Variants in PXN observed in about 807,000 individuals in gnomAD.
The protein encoded by PXN is paxillin.
Under a neutral mutation model 103.6 loss-of-function variants are expected in PXN, and 61 were observed. The ratio of observed to expected loss-of-function variants is 0.59; its 90% CI spans 0.48 to 0.73. The LOEUF (loss-of-function observed/expected upper bound fraction) is 0.73. Ranked by LOEUF, PXN falls within the 30% of genes least tolerant of loss-of-function variation. The pLI is 0.00. For missense variants in PXN, 1,274 were observed against 1,460.3 expected, an observed-to-expected ratio of 0.87 and a Z score of 2.08; for synonymous variants, 562 against 607.8, an observed-to-expected ratio of 0.92 and a Z score of 1.11.
Position 120,214,308 on chromosome 12 carries a change from A to C in PXN, c.2749-91T>G. On this transcript the variant is annotated intron_variant, in intron 12 of 14. Coordinates refer to ENST00000637617, the MANE Select transcript of PXN (RefSeq NM_001385981.1). This position sits in a 1 kb window ranked among gnomAD's most constrained non-coding sequence, Gnocchi z 5.0. ...AAGGCCGTCCTTCCACCCGCAGCTC[A>C]TAGCCATAGACAGAGCAAAACACTC... is the stretch of plus-strand genomic sequence containing the variant. 110 of 1,137,580 alleles carry C rather than the reference A, an allele frequency of 9.7e-5. No individual in the cohort carries two copies. The highest frequency in any genetic ancestry group is 1.4e-4 in the Non-Finnish European group (106 of 777,020). 70.5% of individuals were successfully genotyped at this position (1,137,580 alleles called of 1,614,324 possible). A position where few individuals can be genotyped will look rare whatever the true frequency, so the allele number is the denominator to read the frequency against.
In PXN at chr12:120,257,784, C is replaced by T. The variant is rs536336208; in HGVS notation, c.13+7833G>A. On this transcript the variant is annotated intron_variant, in intron 1 of 14. Coordinates refer to ENST00000637617, the MANE Select transcript of PXN (RefSeq NM_001385981.1). ...GGGGACACTCAGCCATCACTGCCCACAGGTTAATGGTGTTCCACTGGCCAC... is the reference window on the plus strand; with the variant it reads ...GGGGACACTCAGCCATCACTGCCCATAGGTTAATGGTGTTCCACTGGCCAC... Among the ~76,000 whole-genome samples, 8 of 152,306 alleles carry T rather than the reference C, an allele frequency of 5.3e-5. No individual in the cohort carries two copies. In the South Asian group the frequency reaches 1.7e-3, roughly 32 times the overall value.
intron 1 of PXN, among the ~76,000 whole-genome samples, chr12:120,241,591 G>C (rs1337690191): frequency 6.6e-6 from 1 of 152,232 alleles, no homozygotes; most frequent in Non-Finnish European, 1.5e-5. Context: ...GCACTGACTA[G>C]TGGGAGACTG....
In PXN at chr12:120,220,121, GGAGA is replaced by G. The variant is rs376471619; in HGVS notation, c.832-34_832-31del. On this transcript the variant is annotated intron_variant, in intron 6 of 14. Transcript: ENST00000637617. This position sits in a 1 kb window ranked among gnomAD's most constrained non-coding sequence, Gnocchi z 6.1. ...AGAAGAGAGAAATGCAGAGGGGAGA[GGAGA>G]GAGAGAGATGAGGGGAGTGAGGACG... is the stretch of plus-strand genomic sequence containing the variant. 1.2e-5 allele frequency: 11 copies of G among 891,274 alleles called. No individual in the cohort carries two copies. The Admixed American group carries it at 2.0e-4, about 16-fold the overall frequency. The allele number at this position is 891,274 out of a possible 1,614,324, so 55.2% of individuals were successfully genotyped here.
chr12:120,239,236 C>G (rs568424579), intron 1 of PXN, among the ~76,000 whole-genome samples: 1 of 152,082 alleles, frequency 6.6e-6, no homozygotes, highest in East Asian at 1.9e-4. Flanking sequence ...CACCTGAGGT[C>G]AAGAGTTCCA....
chr12:120,254,747 C>T (rs1353493988), intron 1 of PXN, among the ~76,000 whole-genome samples: 5 of 152,122 alleles, frequency 3.3e-5, no homozygotes, highest in Non-Finnish European at 5.9e-5. Flanking sequence ...GACGGGGTTT[C>T]ACCATGTTGG....
intron 1 of PXN, among the ~76,000 whole-genome samples, chr12:120,258,275 C>A (rs1893334847): frequency 6.6e-6 from 1 of 152,138 alleles, no homozygotes; most frequent in African/African-American, 2.4e-5. Flanking sequence ...CGGCATCTCA[C>A]ATGCTTCAAC....
chr12:120,231,089 GGAGCCAGGATGCCCT>G (rs1365483903), intron 1 of PXN, among the ~76,000 whole-genome samples: 1 of 152,234 alleles, frequency 6.6e-6, no homozygotes, highest in African/African-American at 2.4e-5. Flanking sequence ...GCGGAGGAGG[GGAGCCAGGATGCCCT>G]GATCCCAGGC....
chr12:120,238,747 T>C (rs117382277), intron 1 of PXN, among the ~76,000 whole-genome samples: 1,953 of 152,344 alleles, frequency 0.013, 32 homozygotes, highest in Non-Finnish European at 0.02. Context: ...GTAGACTATT[T>C]ACATCACTAG....
Position 120,212,650 on chromosome 12 carries a change from G to C in PXN, c.2980-70C>G, listed in dbSNP as rs542519174. 4,079 of 1,549,774 alleles carry C rather than the reference G, an allele frequency of 2.6e-3. 19 individuals are homozygous for C. Among genetic ancestry groups the C allele is most frequent in the Non-Finnish European group, 2.5e-3 (2,917 of 1,145,286 alleles). On this transcript the variant is annotated intron_variant, in intron 14 of 14. Transcript: ENST00000637617. This position sits in a 1 kb window ranked among gnomAD's most constrained non-coding sequence, Gnocchi z 7.2. ...GAGCTGCACCCTGTGTGATGGGGCCGAGGTGGGCATAGTCGGCACGCTCGG... is the reference window on the plus strand; with the variant it reads ...GAGCTGCACCCTGTGTGATGGGGCCCAGGTGGGCATAGTCGGCACGCTCGG...
At position 120,221,050 on chromosome 12, in the gene PXN, C is replaced by G. The variant is rs1884993059; in HGVS notation, c.831+573G>C. On this transcript the variant is annotated intron_variant, in intron 6 of 14. Transcript: ENST00000637617. This position sits in a 1 kb window ranked among gnomAD's most constrained non-coding sequence, Gnocchi z 6.6. ...GGGCAGGTACCTCGTGCAAGCCTGG[C>G]CCCATGGTTTCCCACAGACACGCTC... Among the ~76,000 whole-genome samples, 1 of 152,166 alleles carries G rather than the reference C, an allele frequency of 6.6e-6. No homozygotes were observed. The highest frequency in any genetic ancestry group is 1.5e-5 in the Non-Finnish European group (1 of 68,028).
chr12:120,242,327 C>T (rs948790100), intron 1 of PXN, among the ~76,000 whole-genome samples: 14 of 152,230 alleles, frequency 9.2e-5, no homozygotes, highest in Admixed American at 1.3e-4. Flanking sequence ...TTCCTCTGCC[C>T]GCACCCATCT....
chr12:120,226,534 T>G lies in PXN; in HGVS notation c.14-2157A>C, dbSNP rs964381347. On this transcript the variant is annotated intron_variant, in intron 1 of 14. Coordinates refer to ENST00000637617, the MANE Select transcript of PXN (RefSeq NM_001385981.1). ...ATGGTCAGGCTTCCTTGTCAAACAT[T>G]TTGAATCAGGGACTCCACCAAACAC... 3.3e-6 allele frequency: 4 copies of G among 1,230,578 alleles called. No homozygotes were observed. The Admixed American group carries it at 1.1e-4, about 34-fold the overall frequency. The allele number at this position is 1,230,578 out of a possible 1,614,324, so 76.2% of individuals were successfully genotyped here. A position where few individuals can be genotyped will look rare whatever the true frequency, so the allele number is the denominator to read the frequency against.
At chr12:120,226,071 G>C in intron 1 of PXN, 2 of 1,099,456 alleles carry the variant, frequency 1.8e-6, no homozygotes, top group African/African-American at 3.3e-5. Context: ...ACCGGAACTA[G>C]AGGGAGTTGG....
intron 1 of PXN, among the ~76,000 whole-genome samples, chr12:120,231,876 G>T (rs1477841788): frequency 6.6e-6 from 1 of 152,214 alleles, no homozygotes; most frequent in East Asian, 1.9e-4. Flanking sequence ...GCTCCTGGCT[G>T]CAGCCACTTC....
In PXN at chr12:120,215,492, C is replaced by T. The variant is rs1276675704; in HGVS notation, c.2403+68G>A. 6.6e-7 allele frequency: 1 copy of T among 1,510,726 alleles called. No individual in the cohort carries two copies. Among genetic ancestry groups the T allele is most frequent in the Admixed American group, 2.2e-5 (1 of 46,194 alleles). 93.6% of individuals were successfully genotyped at this position (1,510,726 alleles called of 1,614,324 possible). On this transcript the variant is annotated intron_variant, in intron 10 of 14. Coordinates refer to ENST00000637617, the MANE Select transcript of PXN (RefSeq NM_001385981.1). This position sits in a 1 kb window ranked among gnomAD's most constrained non-coding sequence, Gnocchi z 4.9. ...CCAGGGTCGGAAAGGCTGAGGGCAC[C>T]CAGCAGGCATGGCCAAGCCCAGGGA...
At position 120,224,691 on chromosome 12, in the gene PXN, G is replaced by A. The variant is rs919857610; in HGVS notation, c.14-314C>T. 5 of 605,434 alleles carry A rather than the reference G, an allele frequency of 8.3e-6. No individual in the cohort carries two copies. The highest frequency in any genetic ancestry group is 1.5e-5 in the Non-Finnish European group (5 of 323,440). 37.5% of individuals were successfully genotyped at this position (605,434 alleles called of 1,614,324 possible). On this transcript the variant is annotated intron_variant, in intron 1 of 14. Transcript: ENST00000637617. This position sits in a 1 kb window ranked among gnomAD's most constrained non-coding sequence, Gnocchi z 5.0. ...CTGCGTTCCCTCCTGACAGGGCCGC[G>A]CAGCCGCGAGTGAAGTGCCTGTCTG... is the stretch of plus-strand genomic sequence containing the variant.
At position 120,240,307 on chromosome 12, in the gene PXN, C is replaced by G. The variant is rs566916064; in HGVS notation, c.14-15930G>C. Among the ~76,000 whole-genome samples the G allele has an allele frequency of 1.3e-4, 20 of 152,236 alleles. No individual in the cohort carries two copies. In the South Asian group the frequency reaches 4.1e-3, roughly 32 times the overall value. On this transcript the variant is annotated intron_variant, in intron 1 of 14. Transcript: ENST00000637617. ...ATGAGGAGCTGTCCCACCCACAAAGCTGACATCCCTGATTGCCCCACCAGA... is the reference window on the plus strand; with the variant it reads ...ATGAGGAGCTGTCCCACCCACAAAGGTGACATCCCTGATTGCCCCACCAGA...
At chr12:120,244,663 A>T (rs1048541529) in intron 1 of PXN, among the ~76,000 whole-genome samples, 5 of 150,674 alleles carry the variant, frequency 3.3e-5, no homozygotes, top group Non-Finnish European at 7.4e-5. Context: ...AAAAAAAAAA[A>T]AATACAAAAC....
rs1022666940 is a variant in PXN at position 120,229,369 on chromosome 12, G to A, written c.14-4992C>T. Among the ~76,000 whole-genome samples, 1 of 152,192 alleles carries A rather than the reference G, an allele frequency of 6.6e-6. No homozygotes were observed. Among genetic ancestry groups the A allele is most frequent in the Non-Finnish European group, 1.5e-5 (1 of 68,042 alleles). On this transcript the variant is annotated intron_variant, in intron 1 of 14. Coordinates refer to ENST00000637617, the MANE Select transcript of PXN (RefSeq NM_001385981.1). The surrounding 1 kb of genome is among the most constrained non-coding windows in gnomAD (Gnocchi z 4.0). The stretch of plus-strand genomic sequence containing the variant: ...TATCAAGACCAGAGGCCTGGAGCTG[G>A]ACAGGTGCCAAGAGAGAGGAGATAA...
Sources: allele counts gnomAD v4.1 joint callset (sites outside exome capture counted in the v4.1 genomes callset), GRCh38; gene constraint gnomAD v4.1.1; non-coding constraint Gnocchi (gnomAD v3.1); transcripts MANE v1.5; gene names NCBI Gene and HGNC (gene_info 2026-07-23, HGNC 2026-07-21).